NDEL1: variants seen among roughly 807,000 people sequenced by gnomAD.
NDEL1 encodes nuclear distribution protein nudE-like 1.
NDEL1 carries 9 observed loss-of-function variants against 45.7 expected under a neutral mutation model. The ratio of observed to expected loss-of-function variants is 0.20; its 90% CI spans 0.12 to 0.34. NDEL1 has a LOEUF of 0.34. NDEL1 is among the 10% of genes least tolerant of loss of function. The pLI, the probability that NDEL1 is intolerant of heterozygous loss-of-function variation, is 1.00. For missense variants in NDEL1, 306 were observed against 406.2 expected (o/e 0.75, Z 2.12); for synonymous variants, 133 against 158.6 (o/e 0.84, Z 1.21).
intron 6 of NDEL1, among the ~76,000 whole-genome samples, chr17:8,452,761 C>G (rs1018534638): frequency 2.4e-3 from 41 of 16,854 alleles, no homozygotes; most frequent in African/African-American, 8.3e-3. Context: ...TTTTTTTTGA[C>G]AGAGTTTTGC....
chr17:8,435,754 AGC>A, upstream of NDEL1: 1 of 345,300 alleles, frequency 2.9e-6, no homozygotes, highest in Non-Finnish European at 5.7e-6. Context: ...GCTTGGCGTC[AGC>A]GCGCCGGGCT....
intron 1 of NDEL1, among the ~76,000 whole-genome samples, chr17:8,428,143 C>T (rs1287516466): frequency 4.6e-5 from 7 of 151,988 alleles, no homozygotes; most frequent in Non-Finnish European, 2.9e-5. Flanking sequence ...TCTATTTTCC[C>T]TTTAGAATAT....
At chr17:8,428,568 C>T (rs1269559327) in intron 1 of NDEL1, among the ~76,000 whole-genome samples, 1 of 151,196 alleles carries the variant, frequency 6.6e-6, no homozygotes, top group Non-Finnish European at 1.5e-5. Context: ...TTTCACCATA[C>T]TGGCCAGGCT....
At chr17:8,450,024 T>C (rs999754067) in intron 5 of NDEL1, among the ~76,000 whole-genome samples, 2 of 152,230 alleles carry the variant, frequency 1.3e-5, no homozygotes. Flanking sequence ...GGCTCACGCC[T>C]GTAATTCTAG....
At chr17:8,472,566 G>A (rs1458953673), downstream of NDEL1, among the ~76,000 whole-genome samples, 1 of 152,184 alleles carries the variant, frequency 6.6e-6, no homozygotes, top group East Asian at 1.9e-4. Context: ...TCGGGGGGCT[G>A]AAGCAGAGAA....
intron 6 of NDEL1, among the ~76,000 whole-genome samples, chr17:8,453,160 G>T (rs1910627159): frequency 6.6e-6 from 1 of 152,178 alleles, no homozygotes; most frequent in South Asian, 2.1e-4. Flanking sequence ...GCCAAGAACA[G>T]TACAGCGGTT....
chr17:8,454,998 CAT>C, intron 7 of NDEL1, 111 bp downstream of exon 7: 1 of 1,045,850 alleles, frequency 9.6e-7, no homozygotes, highest in South Asian at 1.4e-5. Flanking sequence ...TAAAGGCTGT[CAT>C]GAAGCTCAGA....
chr17:8,426,568 T>C (rs1908837233), intron 1 of NDEL1, among the ~76,000 whole-genome samples: 1 of 152,158 alleles, frequency 6.6e-6, no homozygotes, highest in South Asian at 2.1e-4. Context: ...GGGAGGCAGC[T>C]GCCACTCTGG....
At chr17:8,466,134 T>G (rs2151744419) in intron 8 of NDEL1, 1 of 152,346 alleles carries the variant, frequency 6.6e-6, no homozygotes, top group Non-Finnish European at 1.5e-5. Flanking sequence ...GATATTCGTG[T>G]ATTAATACAT....
intron 8 of NDEL1, chr17:8,463,272 A>C (rs1911339567): frequency 6.6e-7 from 1 of 1,517,284 alleles, no homozygotes; most frequent in African/African-American, 1.4e-5. Context: ...CGTGATGTGG[A>C]AATAGTATTC....
intron 1 of NDEL1, among the ~76,000 whole-genome samples, chr17:8,424,310 A>G (rs573137814): frequency 3.9e-5 from 6 of 152,328 alleles, no homozygotes; most frequent in Admixed American, 3.3e-4. Flanking sequence ...TATATTGTGT[A>G]GCTATTACAT....
At chr17:8,462,456 G>A (rs1911269822) in intron 8 of NDEL1, among the ~76,000 whole-genome samples, 1 of 152,060 alleles carries the variant, frequency 6.6e-6, no homozygotes, top group Admixed American at 6.6e-5. Context: ...CCGGCTTTTG[G>A]CCTGTCTGGC....
intron 5 of NDEL1, among the ~76,000 whole-genome samples, chr17:8,450,333 T>G (rs536941034): frequency 7.9e-5 from 12 of 151,522 alleles, no homozygotes; most frequent in Non-Finnish European, 1.5e-4. Context: ...TGAGAAAAAT[T>G]TAAACCGTTC....
intron 1 of NDEL1, among the ~76,000 whole-genome samples, chr17:8,428,963 G>C (rs12942580): frequency 6.6e-6 from 1 of 152,076 alleles, no homozygotes; most frequent in South Asian, 2.1e-4. Context: ...ATGAGCCACC[G>C]CGCCCGGCCT....
chr17:8,461,579 G>A (rs1001299890), intron 8 of NDEL1, among the ~76,000 whole-genome samples: 8 of 152,094 alleles, frequency 5.3e-5, no homozygotes, highest in Admixed American at 2.0e-4. Flanking sequence ...GGGTTTCCTC[G>A]GGTGGAGTAA....
At chr17:8,458,362 G>C (rs534767759) in intron 7 of NDEL1, among the ~76,000 whole-genome samples, 1 of 152,166 alleles carries the variant, frequency 6.6e-6, no homozygotes, top group African/African-American at 2.4e-5. Flanking sequence ...CCACCCCTGG[G>C]TGTGGATGTC....
chr17:8,444,143 A>C, intron 1 of NDEL1, 117 bp from the exon 2 acceptor site: 3 of 642,158 alleles, frequency 4.7e-6, no homozygotes, highest in South Asian at 1.9e-5. Flanking sequence ...AACCACTGGA[A>C]TCTCTCATGT....
At chr17:8,428,863 CG>C (rs921258435) in intron 1 of NDEL1, among the ~76,000 whole-genome samples, 22 of 150,616 alleles carry the variant, frequency 1.5e-4, no homozygotes, top group Admixed American at 1.4e-3. Context: ...TTAGTAGAGA[CG>C]GGGTTTCACC....
upstream of NDEL1, among the ~76,000 whole-genome samples, chr17:8,434,819 C>T (rs937764887): frequency 2.0e-5 from 3 of 151,960 alleles, no homozygotes; most frequent in Non-Finnish European, 4.4e-5. Flanking sequence ...CGCCTGTAAT[C>T]CCAGCACTTT....
Sources: allele counts gnomAD v4.1 joint callset (sites outside exome capture counted in the v4.1 genomes callset), GRCh38; gene constraint gnomAD v4.1.1; transcripts MANE v1.5; gene names NCBI Gene and HGNC (gene_info 2026-07-23, HGNC 2026-07-21).